CTNNA2: variants seen among roughly 807,000 people sequenced by gnomAD.
CTNNA2 encodes the protein catenin alpha-2.
A neutral mutation model predicts 101.0 loss-of-function variants in CTNNA2; 42 were observed. The observed-to-expected ratio is 0.42, with a 90% CI of 0.32 to 0.54. The LOEUF (loss-of-function observed/expected upper bound fraction) is 0.54, where lower values mean the gene tolerates loss of function less well. CTNNA2 is among the 20% of genes least tolerant of loss of function. CTNNA2 has a pLI of 0.14. For synonymous variants in CTNNA2, 450 were observed against 456.4 expected (o/e 0.99, Z 0.18); for missense variants, 871 against 1,223.1 (o/e 0.71, Z 4.29).
intron 16 of CTNNA2, among the ~76,000 whole-genome samples, chr2:80,606,857 T>C (rs1487825298): frequency 1.3e-5 from 2 of 151,918 alleles, no homozygotes; most frequent in Non-Finnish European, 2.9e-5. Flanking sequence ...GCAAGGTATT[T>C]GTATCAAAAG....
At chr2:79,606,212 C>A (rs572245877) in intron 1 of CTNNA2, among the ~76,000 whole-genome samples, 5 of 152,146 alleles carry the variant, frequency 3.3e-5, no homozygotes, top group Admixed American at 2.0e-4. Context: ...AAAATGGTAG[C>A]TATAAGAGTA....
intron 6 of CTNNA2, among the ~76,000 whole-genome samples, chr2:79,876,087 C>T (rs1021352276): frequency 1.3e-5 from 2 of 152,162 alleles, no homozygotes; most frequent in Admixed American, 6.5e-5. Flanking sequence ...TTTTACTTGT[C>T]AGTAAATGAT....
intron 4 of CTNNA2, among the ~76,000 whole-genome samples, chr2:79,469,682 T>C (rs1219719932): frequency 6.6e-6 from 1 of 152,170 alleles, no homozygotes; most frequent in Non-Finnish European, 1.5e-5. Flanking sequence ...TTATCCACCA[T>C]GATCAAGTGG....
intron 3 of CTNNA2, among the ~76,000 whole-genome samples, chr2:79,852,337 C>A (rs1157568652): frequency 6.6e-6 from 1 of 152,086 alleles, no homozygotes; most frequent in African/African-American, 2.4e-5. Flanking sequence ...TATTTTATAG[C>A]AAAAATGTTG....
At chr2:79,514,280 A>C (rs190205617) in intron 1 of CTNNA2, among the ~76,000 whole-genome samples, 1 of 152,306 alleles carries the variant, frequency 6.6e-6, no homozygotes, top group East Asian at 1.9e-4. Context: ...AAATGAGGTT[A>C]TACTCCACAG....
upstream of CTNNA2, chr2:79,512,946 C>T (rs1671600227): frequency 1.3e-5 from 2 of 151,634 alleles, no homozygotes; most frequent in Admixed American, 1.3e-4. Flanking sequence ...AGCGGCGATC[C>T]GGGCCGCTGC....
chr2:80,605,951 CTG>C (rs1697966683), intron 16 of CTNNA2, among the ~76,000 whole-genome samples: 1 of 151,810 alleles, frequency 6.6e-6, no homozygotes, highest in African/African-American at 2.4e-5. Flanking sequence ...ACAGCATAAA[CTG>C]AGGGTTTTTT....
chr2:79,703,901 T>A (rs2104770388), intron 2 of CTNNA2, among the ~76,000 whole-genome samples: 1 of 151,942 alleles, frequency 6.6e-6, no homozygotes, highest in Non-Finnish European at 1.5e-5. Context: ...TTTTATATTT[T>A]CATATAAATT....
intron 3 of CTNNA2, among the ~76,000 whole-genome samples, chr2:79,804,367 A>G (rs2105310371): frequency 6.6e-6 from 1 of 152,324 alleles, no homozygotes; most frequent in Admixed American, 6.5e-5. Context: ...AACCAAAATC[A>G]CACAGTCACA....
At chr2:79,850,228 T>C (rs1290895859) in intron 3 of CTNNA2, among the ~76,000 whole-genome samples, 1 of 144,028 alleles carries the variant, frequency 6.9e-6, no homozygotes, top group African/African-American at 2.6e-5. Flanking sequence ...TCGCTCCCTC[T>C]GTATCTCTCT....
chr2:79,601,688 A>G (rs1020179160), intron 1 of CTNNA2, among the ~76,000 whole-genome samples: 1 of 152,242 alleles, frequency 6.6e-6, no homozygotes, highest in Non-Finnish European at 1.5e-5. Flanking sequence ...AACACTGGTA[A>G]AATACAGACT....
intron 2 of CTNNA2, among the ~76,000 whole-genome samples, chr2:79,663,223 G>A (rs1682164707): frequency 6.6e-6 from 1 of 152,078 alleles, no homozygotes; most frequent in African/African-American, 2.4e-5. Context: ...GATCAGTACA[G>A]TCACCAAATT....
At chr2:80,509,295 G>A (rs767288245) in intron 9 of CTNNA2, among the ~76,000 whole-genome samples, 4 of 152,186 alleles carry the variant, frequency 2.6e-5, no homozygotes, top group Non-Finnish European at 2.9e-5. Flanking sequence ...AAGGTGCAGC[G>A]GTCTGGGTTT....
chr2:80,468,714 C>T (rs111457610), intron 9 of CTNNA2, among the ~76,000 whole-genome samples: 4,437 of 152,204 alleles, frequency 0.029, 202 homozygotes, highest in African/African-American at 0.096. Flanking sequence ...CTGTGCCCGG[C>T]CATCATGTGC....
chr2:80,433,600 G>C (rs2149430108), intron 9 of CTNNA2, among the ~76,000 whole-genome samples: 2 of 152,116 alleles, frequency 1.3e-5, no homozygotes, highest in Non-Finnish European at 2.9e-5. Context: ...GGAAAGCAGG[G>C]AACCTGGTTG....
chr2:79,442,084 T>C (rs1228880051), intron 4 of CTNNA2, among the ~76,000 whole-genome samples: 1 of 152,192 alleles, frequency 6.6e-6, no homozygotes, highest in East Asian at 1.9e-4. Context: ...AATCTGTAAT[T>C]GTTTTAAGTA....
rs80022585 is a variant in CTNNA2 at position 79,925,988 on chromosome 2, G to A, written c.1056+16191G>A. The stretch of plus-strand genomic sequence containing the variant: ...TAATACTCATGGATCTGAAGATTAC[G>A]ATAGAATAGAGAAGCCCAGCTCTTT... On this transcript the variant is annotated intron_variant, in intron 7 of 18. Transcript: ENST00000402739. Among the ~76,000 whole-genome samples, 934 of 152,014 alleles carry A rather than the reference G, an allele frequency of 6.1e-3. 9 individuals carry two copies. Among genetic ancestry groups the A allele is most frequent in the African/African-American group, 0.022 (897 of 41,492 alleles).
At chr2:79,604,778 T>C (rs1162546845) in intron 1 of CTNNA2, among the ~76,000 whole-genome samples, 1 of 152,208 alleles carries the variant, frequency 6.6e-6, no homozygotes, top group Admixed American at 6.5e-5. Flanking sequence ...AGGATGAGAC[T>C]CTTACCTTAG....
intron 7 of CTNNA2, among the ~76,000 whole-genome samples, chr2:80,332,055 G>A (rs965021461): frequency 6.6e-5 from 10 of 152,100 alleles, no homozygotes; most frequent in African/African-American, 2.4e-4. Context: ...TTAATGGAGT[G>A]CCTTTTAGTG....
Sources: gnomAD v4.1 joint callset for allele counts (sites outside exome capture counted in the v4.1 genomes callset) on GRCh38, gnomAD v4.1.1 for gene constraint, MANE v1.5 for transcripts, NCBI Gene and HGNC (gene_info 2026-07-23, HGNC 2026-07-21) for gene names.